Variants in DENND1B observed in about 807,000 individuals in gnomAD.
DENND1B encodes DENN domain-containing protein 1B.
Under a neutral mutation model 90.1 loss-of-function variants are expected in DENND1B, and 59 were observed. The observed-to-expected ratio is 0.65, with a 90% CI of 0.53 to 0.81. DENND1B has a LOEUF of 0.81. DENND1B is among the 40% of genes least tolerant of loss of function. The pLI is 0.00. For missense variants in DENND1B, 862 were observed against 912.6 expected, an observed-to-expected ratio of 0.94 and a Z score of 0.71; for synonymous variants, 337 against 324.6, an observed-to-expected ratio of 1.04 and a Z score of -0.41.
intron 2 of DENND1B, chr1:197,733,941 G>T: frequency 2.7e-6 from 1 of 369,718 alleles, no homozygotes. Context: ...ATAATACACA[G>T]GCTTATTTAT....
rs753379735 is a variant in DENND1B at position 197,545,944 on chromosome 1, G to C, written c.1328C>G (p.Ala443Gly). 1.9e-6 allele frequency: 3 copies of C among 1,606,814 alleles called. No homozygotes were observed. The South Asian group carries it at 3.4e-5, about 18-fold the overall frequency. ...FNTAMTKATP[A>G]VRTAYKFAKN... ...TACAAATTTATATGCTGTCCGTACA[G>C]CAGGGGTTGCTTTGGTCATTGCTGT... The change falls in exon 18 of 23, where the codon GCT becomes GGT. Residue 443 changes from alanine to glycine, a missense_variant. Coordinates refer to ENST00000620048, the MANE Select transcript of DENND1B (RefSeq NM_001195215.2).
chr1:197,653,647 C>T (rs1389068185), intron 6 of DENND1B, among the ~76,000 whole-genome samples: 1 of 151,980 alleles, frequency 6.6e-6, no homozygotes, highest in East Asian at 1.9e-4. Context: ...AATGGAGCCT[C>T]CCCTATTTCC....
intron 3 of DENND1B, among the ~76,000 whole-genome samples, chr1:197,695,545 T>G (rs1658345661): frequency 6.6e-6 from 1 of 151,000 alleles, no homozygotes; most frequent in South Asian, 2.1e-4. Context: ...AATACGAGTT[T>G]ATATATAATA....
At chr1:197,738,849 C>G (rs1216870507) in intron 2 of DENND1B, among the ~76,000 whole-genome samples, 1 of 152,134 alleles carries the variant, frequency 6.6e-6, no homozygotes, top group African/African-American at 2.4e-5. Flanking sequence ...ACAAGGTAAG[C>G]CTTACAATTG....
At chr1:197,538,964 C>T (rs935401452) in intron 20 of DENND1B, among the ~76,000 whole-genome samples, 5 of 152,026 alleles carry the variant, frequency 3.3e-5, no homozygotes, top group Admixed American at 6.6e-5. Flanking sequence ...TCATAAGGTG[C>T]CAGTGCCTTG....
At chr1:197,704,484 G>T (rs749995217) in intron 3 of DENND1B, among the ~76,000 whole-genome samples, 9 of 152,028 alleles carry the variant, frequency 5.9e-5, no homozygotes, top group Non-Finnish European at 1.2e-4. Flanking sequence ...GGCAAACTGT[G>T]CCAAAACCTA....
chr1:197,688,577 G>A (rs1341688601), intron 3 of DENND1B, among the ~76,000 whole-genome samples: 1 of 152,064 alleles, frequency 6.6e-6, no homozygotes, highest in Non-Finnish European at 1.5e-5. Flanking sequence ...GGCAAGGATA[G>A]TCTCTTCAAC....
At chr1:197,674,062 AT>A in intron 4 of DENND1B, 57 bp downstream of exon 4, 1 of 1,198,606 alleles carries the variant, frequency 8.3e-7, no homozygotes, top group South Asian at 1.4e-5. Context: ...ACATGTAATC[AT>A]TTTCAAGTAT....
intron 2 of DENND1B, chr1:197,761,707 T>C (rs951099859): frequency 7.0e-4 from 106 of 152,252 alleles, no homozygotes; most frequent in African/African-American, 2.4e-3. Context: ...CAAACCAAGA[T>C]AAAATTATTA....
chr1:197,613,329 T>C (rs531868262), intron 11 of DENND1B, among the ~76,000 whole-genome samples: 9 of 150,934 alleles, frequency 6.0e-5, no homozygotes, highest in Non-Finnish European at 1.3e-4. Context: ...CTTATTTTAC[T>C]CCTCGTTAGC....
rs1236791947 is a variant in DENND1B, at chr1:197,770,655, TCTATAAATATATATCTATAAATATAC to T, written c.82+2187_82+2212del. On this transcript the variant is annotated intron_variant, in intron 2 of 22. Transcript: ENST00000620048. Reference sequence around the variant, plus strand: ...AAAAATATATATCTATAAATATATATCTATAAATATATATCTATAAATATACATATCTATAAATATATATCTATAAA... The same window carrying T: ...AAAAATATATATCTATAAATATATATATATCTATAAATATATATCTATAAA... Among the ~76,000 whole-genome samples the T allele has an allele frequency of 6.2e-5, 9 of 144,336 alleles. No individual in the cohort carries two copies. In the South Asian group the frequency reaches 6.3e-4, roughly 10 times the overall value. The allele number at this position is 144,336 out of a possible 152,430, so 94.7% of individuals were successfully genotyped here.
chr1:197,547,281 TA>T (rs964437399), intron 16 of DENND1B, among the ~76,000 whole-genome samples: 2 of 147,678 alleles, frequency 1.4e-5, no homozygotes, highest in African/African-American at 2.5e-5. Context: ...TTTTTTTTTT[TA>T]AAGTCCCAGT....
chr1:197,775,233 T>C lies in DENND1B; in HGVS notation c.-78A>G. 8.7e-7 allele frequency: 1 copy of C among 1,148,958 alleles called. No homozygotes were observed. The highest frequency in any genetic ancestry group is 1.1e-6 in the Non-Finnish European group (1 of 906,436). 71.2% of individuals were successfully genotyped at this position (1,148,958 alleles called of 1,614,324 possible). On this transcript the variant is annotated 5_prime_UTR_variant, in exon 1 of 23. Coordinates refer to ENST00000620048, the MANE Select transcript of DENND1B (RefSeq NM_001195215.2). ...AGCCCGCAGCCCGGCCGCGCGAGGG[T>C]CGCGCCGTCCCCGCCCACGCCGGCG...
At chr1:197,520,688 A>C (rs1254234328) in intron 20 of DENND1B, among the ~76,000 whole-genome samples, 5 of 151,860 alleles carry the variant, frequency 3.3e-5, no homozygotes, top group Non-Finnish European at 7.4e-5. Context: ...ACAAGGGTAC[A>C]TTTTTTTGGA....
intron 2 of DENND1B, among the ~76,000 whole-genome samples, chr1:197,766,627 A>T (rs1655735312): frequency 6.6e-6 from 1 of 152,180 alleles, no homozygotes; most frequent in Admixed American, 6.5e-5. Context: ...GGGGTATTCC[A>T]AAACAGCCCA....
At position 197,550,676 on chromosome 1, in the gene DENND1B, G is replaced by T. The variant is rs10922250; in HGVS notation, c.1240+2346C>A. Among the ~76,000 whole-genome samples, 7 of 149,740 alleles carry T rather than the reference G, an allele frequency of 4.7e-5. 1 individual carries two copies. The highest frequency in any genetic ancestry group is 2.0e-4 in the Admixed American group (3 of 14,954). ...AGGGCCTGTTGTGGGGTGAGGGGGG[G>T]GGGGAGGGATAGCATTTGGAGATAT... On this transcript the variant is annotated intron_variant, in intron 16 of 22. Coordinates refer to ENST00000620048, the MANE Select transcript of DENND1B (RefSeq NM_001195215.2).
At chr1:197,724,518 G>T (rs1364078870) in intron 2 of DENND1B, among the ~76,000 whole-genome samples, 1 of 152,084 alleles carries the variant, frequency 6.6e-6, no homozygotes, top group Middle Eastern at 3.2e-3. Context: ...ATGACAAAAG[G>T]AAAGTACAAA....
chr1:197,682,061 C>A (rs1004930955), intron 3 of DENND1B, among the ~76,000 whole-genome samples: 1 of 151,450 alleles, frequency 6.6e-6, no homozygotes, highest in Non-Finnish European at 1.5e-5. Context: ...CTGTGATAAA[C>A]CAGATAGGAC....
intron 15 of DENND1B, among the ~76,000 whole-genome samples, chr1:197,568,658 A>G (rs546248577): frequency 1.2e-4 from 18 of 152,160 alleles, no homozygotes; most frequent in Non-Finnish European, 2.1e-4. Context: ...AGATATACAG[A>G]CATATGAAAT....
Sources: allele counts gnomAD v4.1 joint callset (sites outside exome capture counted in the v4.1 genomes callset), GRCh38; gene constraint gnomAD v4.1.1; transcripts MANE v1.5; gene names NCBI Gene and HGNC (gene_info 2026-07-23, HGNC 2026-07-21).